Variants in UBR2 observed in about 807,000 individuals in gnomAD.
The protein encoded by UBR2 is ubiquitin protein ligase E3 component n-recognin 2, also known as E3 ubiquitin-protein ligase UBR2.
In UBR2, 92 loss-of-function variants were observed where a neutral mutation model predicts 247.9. The ratio of observed to expected loss-of-function variants is 0.37; its 90% CI spans 0.31 to 0.44. The LOEUF (loss-of-function observed/expected upper bound fraction) is 0.44. Among genes scored for constraint, UBR2 ranks in the 20% least tolerant of loss-of-function variants. The probability of loss-of-function intolerance (pLI) is 1.00; values close to 1 mark genes in which losing one functional copy is unlikely to be tolerated. For synonymous variants in UBR2, 672 were observed against 693.5 expected (o/e 0.97, Z 0.49); for missense variants, 1,613 against 2,112.6 (o/e 0.76, Z 4.64).
chr6:42,633,742 T>G (rs1309877610), intron 13 of UBR2, among the ~76,000 whole-genome samples: 1 of 151,102 alleles, frequency 6.6e-6, no homozygotes, highest in Non-Finnish European at 1.5e-5. Flanking sequence ...TGTTTTGTTT[T>G]GTTTGAGACA....
intron 42 of UBR2, among the ~76,000 whole-genome samples, chr6:42,681,854 T>C (rs1242973580): frequency 1.3e-5 from 2 of 152,216 alleles, no homozygotes; most frequent in Admixed American, 6.5e-5. Flanking sequence ...ACTCAGATGT[T>C]CAACAGATGA....
intron 3 of UBR2, 30 bp downstream of exon 3, chr6:42,592,259 C>A (rs1298121973): frequency 7.0e-7 from 1 of 1,431,626 alleles, no homozygotes; most frequent in South Asian, 1.4e-5. Flanking sequence ...TAACCATGCG[C>A]AGTATTGCAT....
chr6:42,619,544 T>A, intron 11 of UBR2: 1 of 220,860 alleles, frequency 4.5e-6, no homozygotes, highest in Non-Finnish European at 8.6e-6. Context: ...AGCTTAGGAG[T>A]CTGAGACCAG....
chr6:42,682,690 G>A (rs1380112917), intron 42 of UBR2, among the ~76,000 whole-genome samples: 1 of 152,102 alleles, frequency 6.6e-6, no homozygotes, highest in African/African-American at 2.4e-5. Flanking sequence ...AAAGTGCAGG[G>A]ATTACAGGCA....
chr6:42,590,454 A>C (rs938474180), intron 2 of UBR2, among the ~76,000 whole-genome samples: 3 of 152,236 alleles, frequency 2.0e-5, no homozygotes, highest in African/African-American at 4.8e-5. Flanking sequence ...AACATCCACA[A>C]GTATTGTCTA....
chr6:42,636,911 A>C lies in UBR2; in HGVS notation c.1675-100A>C. On this transcript the variant is annotated intron_variant, in intron 14 of 46. Coordinates refer to ENST00000372901, the MANE Select transcript of UBR2 (RefSeq NM_001363705.2). ...GAGGATTGAGTTTGGTTTTGCCTAT[A>C]TTGTTATTTGAGGTACTTACTCACT... 3.8e-6 allele frequency: 5 copies of C among 1,316,834 alleles called. No individual in the cohort carries two copies. In the South Asian group the frequency reaches 7.6e-5, roughly 20 times the overall value. 81.6% of individuals were successfully genotyped at this position (1,316,834 alleles called of 1,614,324 possible).
At chr6:42,683,608 A>G (rs192817581) in intron 43 of UBR2, among the ~76,000 whole-genome samples, 87 of 152,292 alleles carry the variant, frequency 5.7e-4, no homozygotes, top group African/African-American at 2.0e-3. Context: ...ATGTGTCTCA[A>G]TTGTTACTAT....
chr6:42,672,530 T>A (rs963222118), intron 36 of UBR2, among the ~76,000 whole-genome samples: 4 of 152,078 alleles, frequency 2.6e-5, no homozygotes, highest in Non-Finnish European at 5.9e-5. Context: ...CCTGTTCATA[T>A]TCTTCATACT....
At chr6:42,587,116 G>A (rs892159522) in intron 2 of UBR2, among the ~76,000 whole-genome samples, 4 of 151,640 alleles carry the variant, frequency 2.6e-5, no homozygotes, top group Admixed American at 1.3e-4. Context: ...CACCATGCCC[G>A]GCCAAAATGT....
Position 42,609,235 on chromosome 6 carries a change from C to T in UBR2, c.864+2584C>T, listed in dbSNP as rs959281195. 4.6e-5 allele frequency among the ~76,000 whole-genome samples: 7 copies of T among 152,130 alleles called. No homozygotes were observed. The South Asian group carries it at 1.4e-3, about 31-fold the overall frequency. ...AATTTATCTCATAGAAATACAAGTACCAGTAAGTGTGTATACAGTGTGTTC... is the reference window on the plus strand; with the variant it reads ...AATTTATCTCATAGAAATACAAGTATCAGTAAGTGTGTATACAGTGTGTTC... On this transcript the variant is annotated intron_variant, in intron 7 of 46. Transcript: ENST00000372901.
In UBR2 at chr6:42,573,717, CT is replaced by C; in HGVS notation, c.79-13del. The C allele has an allele frequency of 6.7e-7, 1 of 1,494,236 alleles. No homozygotes were observed. Among genetic ancestry groups the C allele is most frequent in the Non-Finnish European group, 8.9e-7 (1 of 1,118,144 alleles). The allele number at this position is 1,494,236 out of a possible 1,614,324, so 92.6% of individuals were successfully genotyped here. On this transcript the variant is annotated splice_polypyrimidine_tract_variant and intron_variant, in intron 1 of 46. Coordinates refer to ENST00000372901, the MANE Select transcript of UBR2 (RefSeq NM_001363705.2). ...GTTGGTGTTTAAAACCATTTCTTCT[CT>C]TTTCTTCTTTTAAAGAAATGGCTGC...
intron 26 of UBR2, among the ~76,000 whole-genome samples, chr6:42,656,161 T>C (rs1797428629): frequency 6.6e-6 from 1 of 152,236 alleles, no homozygotes; most frequent in African/African-American, 2.4e-5. Context: ...ATATTTGCTT[T>C]TATATTTACA....
At chr6:42,687,296 A>G (rs1799492445) in intron 44 of UBR2, among the ~76,000 whole-genome samples, 1 of 152,220 alleles carries the variant, frequency 6.6e-6, no homozygotes, top group Admixed American at 6.5e-5. Context: ...CAGCCCGGCC[A>G]ACACGGCGAA....
intron 1 of UBR2, among the ~76,000 whole-genome samples, chr6:42,572,927 A>C (rs960285758): frequency 1.3e-5 from 2 of 151,558 alleles, no homozygotes; most frequent in South Asian, 2.1e-4. Context: ...CTGGTCTTGA[A>C]CTCCTGACCT....
At chr6:42,639,921 G>T (rs930047532) in intron 15 of UBR2, among the ~76,000 whole-genome samples, 1 of 151,516 alleles carries the variant, frequency 6.6e-6, no homozygotes, top group African/African-American at 2.4e-5. Context: ...CCAGCTACTC[G>T]GGAGGCTGAG....
chr6:42,641,765 G>A, intron 17 of UBR2, 73 bp downstream of exon 17: 2 of 1,211,640 alleles, frequency 1.7e-6, no homozygotes, highest in Non-Finnish European at 2.4e-6. Context: ...ATTTTCAGTG[G>A]ACTTAGTCAG....
At chr6:42,662,153 T>C (rs1192530992) in intron 30 of UBR2, 31 bp from the exon 31 acceptor site, 9 of 1,325,462 alleles carry the variant, frequency 6.8e-6, no homozygotes, top group Non-Finnish European at 8.5e-6. Context: ...TGCTTCACTT[T>C]TGTTTTGTTT....
chr6:42,628,338 C>T (rs1461331927), intron 11 of UBR2, among the ~76,000 whole-genome samples: 1 of 151,838 alleles, frequency 6.6e-6, no homozygotes, highest in Admixed American at 6.6e-5. Flanking sequence ...ATAACTTGCC[C>T]TAGATATTAG....
intron 42 of UBR2, among the ~76,000 whole-genome samples, chr6:42,680,981 A>G (rs1261102486): frequency 2.0e-5 from 3 of 151,894 alleles, no homozygotes; most frequent in Admixed American, 1.3e-4. Flanking sequence ...GGCTAACACG[A>G]TGAAACCCCG....
Sources: gnomAD v4.1 joint callset for allele counts (sites outside exome capture counted in the v4.1 genomes callset) on GRCh38, gnomAD v4.1.1 for gene constraint, MANE v1.5 for transcripts, NCBI Gene and HGNC (gene_info 2026-07-23, HGNC 2026-07-21) for gene names.